MARCHF1: variants seen among roughly 807,000 people sequenced by gnomAD.
The protein encoded by MARCHF1 is E3 ubiquitin-protein ligase MARCHF1.
In MARCHF1, 40 loss-of-function variants were observed where a neutral mutation model predicts 54.2. The ratio of observed to expected loss-of-function variants is 0.74; its 90% CI spans 0.57 to 0.96. The LOEUF (loss-of-function observed/expected upper bound fraction) is 0.96. Ranked by LOEUF, MARCHF1 falls within the 40% of genes least tolerant of loss-of-function variation. The pLI is 0.00. For synonymous variants in MARCHF1, 236 were observed against 236.3 expected (o/e 1.00, Z 0.01); for missense variants, 586 against 656.5 (o/e 0.89, Z 1.17).
chr4:164,324,693 A>T (rs1357628970), intron 1 of MARCHF1, among the ~76,000 whole-genome samples: 1 of 151,408 alleles, frequency 6.6e-6, no homozygotes, highest in Non-Finnish European at 1.5e-5. Flanking sequence ...AAGTAATTTG[A>T]AAAGAAAATA....
intron 5 of MARCHF1, among the ~76,000 whole-genome samples, chr4:163,671,390 G>A (rs1463406707): frequency 6.6e-6 from 1 of 152,176 alleles, no homozygotes; most frequent in African/African-American, 2.4e-5. Context: ...CCAAAATTTT[G>A]CTTTAGTAGA....
rs183914007 is a variant in MARCHF1, at chr4:163,677,053, A to T, written c.162+23760T>A. Among the ~76,000 whole-genome samples, 16 of 152,328 alleles carry T rather than the reference A, an allele frequency of 1.1e-4. No homozygotes were observed. The East Asian group carries it at 1.9e-3, about 18-fold the overall frequency. Reference sequence around the variant, plus strand: ...TAGAAAAAGAAGGCATGACATAAGAATTTATGTGCCTATAATACAAGCTCA... The same window carrying T: ...TAGAAAAAGAAGGCATGACATAAGATTTTATGTGCCTATAATACAAGCTCA... On this transcript the variant is annotated intron_variant, in intron 5 of 9. Transcript: ENST00000514618.
intron 1 of MARCHF1, among the ~76,000 whole-genome samples, chr4:164,123,750 A>G (rs1469394689): frequency 6.6e-6 from 1 of 152,202 alleles, no homozygotes; most frequent in African/African-American, 2.4e-5. Flanking sequence ...ATTCATATGC[A>G]GAAGAAGAAA....
intron 9 of MARCHF1, chr4:163,530,635 T>C (rs1412552133): frequency 6.6e-6 from 1 of 152,024 alleles, no homozygotes; most frequent in Non-Finnish European, 1.5e-5. Flanking sequence ...GTTTCATTAA[T>C]TTGTTGCTCT....
At chr4:163,817,459 G>A (rs1464049835) in intron 4 of MARCHF1, among the ~76,000 whole-genome samples, 4 of 58,608 alleles carry the variant, frequency 6.8e-5, no homozygotes, top group Non-Finnish European at 9.4e-5. Context: ...GTGGTTAGGA[G>A]AGCAACACAC....
chr4:164,099,957 T>C (rs1755503357), intron 2 of MARCHF1, among the ~76,000 whole-genome samples: 2 of 152,158 alleles, frequency 1.3e-5, no homozygotes, highest in Admixed American at 6.5e-5. Context: ...CAGCCACAGC[T>C]CATGAGAAGG....
intron 2 of MARCHF1, among the ~76,000 whole-genome samples, chr4:164,010,062 C>T (rs868627210): frequency 2.6e-4 from 26 of 98,552 alleles, no homozygotes; most frequent in East Asian, 6.1e-4. Context: ...TCAAAAAACT[C>T]TTTTTTTTTT....
At chr4:163,626,689 G>T (rs947309034) in intron 5 of MARCHF1, among the ~76,000 whole-genome samples, 2 of 152,158 alleles carry the variant, frequency 1.3e-5, no homozygotes, top group African/African-American at 4.8e-5. Flanking sequence ...AGCATTTTGG[G>T]AGGCCGAGGC....
chr4:163,676,376 A>G (rs1743921755), intron 5 of MARCHF1, among the ~76,000 whole-genome samples: 1 of 150,922 alleles, frequency 6.6e-6, no homozygotes, highest in African/African-American at 2.5e-5. Flanking sequence ...AAAAAAAATC[A>G]GAAGATTAAG....
intron 1 of MARCHF1, among the ~76,000 whole-genome samples, chr4:164,372,000 T>G (rs902514062): frequency 6.6e-6 from 1 of 152,224 alleles, no homozygotes; most frequent in Admixed American, 6.5e-5. Flanking sequence ...GAGGATCACT[T>G]GAGCCAGGAG....
intron 7 of MARCHF1, among the ~76,000 whole-genome samples, chr4:163,609,653 C>A (rs1378308204): frequency 6.7e-6 from 1 of 150,234 alleles, no homozygotes; most frequent in Non-Finnish European, 1.5e-5. Flanking sequence ...ATATATAATA[C>A]ACGTATATAT....
At chr4:163,602,915 T>G (rs1301390960) in intron 7 of MARCHF1, among the ~76,000 whole-genome samples, 1 of 151,952 alleles carries the variant, frequency 6.6e-6, no homozygotes, top group Admixed American at 6.6e-5. Flanking sequence ...AAAATATGAG[T>G]CTGACTGATT....
rs1038703841 is a variant in MARCHF1, at chr4:163,742,379, G to A, written c.112-41516C>T. On this transcript the variant is annotated intron_variant, in intron 4 of 9. Transcript: ENST00000514618. Reference sequence around the variant, plus strand: ...CCCTCCCTCCCTCTCTCCCTCCCTCGCTACCTCCTTCCTTCCTCCCTTCCT... The same window carrying A: ...CCCTCCCTCCCTCTCTCCCTCCCTCACTACCTCCTTCCTTCCTCCCTTCCT... 9.7e-4 allele frequency among the ~76,000 whole-genome samples: 73 copies of A among 74,968 alleles called. 1 individual carries two copies. The East Asian group carries it at 0.021, about 21-fold the overall frequency. The allele number at this position is 74,968 out of a possible 152,430, so 49.2% of individuals were successfully genotyped here.
rs958293909 is a variant in MARCHF1 at position 163,755,821 on chromosome 4, C to T, written c.112-54958G>A. 2.0e-5 allele frequency among the ~76,000 whole-genome samples: 3 copies of T among 152,030 alleles called. No homozygotes were observed. The East Asian group carries it at 5.8e-4, about 29-fold the overall frequency. On this transcript the variant is annotated intron_variant, in intron 4 of 9. Coordinates refer to ENST00000514618, the MANE Select transcript of MARCHF1 (RefSeq NM_001394959.1). ...AACACTGGTGCTAAATGAGAGATCC[C>T]CTGGAACATATAGACAACTATGTAA... is the stretch of plus-strand genomic sequence containing the variant.
intron 3 of MARCHF1, among the ~76,000 whole-genome samples, chr4:163,859,286 T>A (rs1175010192): frequency 6.6e-6 from 1 of 151,922 alleles, no homozygotes; most frequent in Non-Finnish European, 1.5e-5. Context: ...GGTGGCATGA[T>A]GGTGAATGAA....
rs114318724 is a variant in MARCHF1 at position 164,096,246 on chromosome 4, C to T, written c.-248+15342G>A. Among the ~76,000 whole-genome samples the T allele has an allele frequency of 7.4e-3, 1,130 of 152,166 alleles. 23 individuals carry two copies. Among genetic ancestry groups the T allele is most frequent in the African/African-American group, 0.025 (1,046 of 41,538 alleles). ...GAATACTATGCAGCCATAAAAAGAA[C>T]AAAATCATATCCTTTGCAGCAATAT... On this transcript the variant is annotated intron_variant, in intron 2 of 9. Transcript: ENST00000514618.
chr4:164,107,785 CTATT>C (rs1052988942), intron 2 of MARCHF1, among the ~76,000 whole-genome samples: 2 of 150,664 alleles, frequency 1.3e-5, no homozygotes, highest in African/African-American at 4.9e-5. Flanking sequence ...TACAAATGAA[CTATT>C]TATTTTACTA....
intron 1 of MARCHF1, among the ~76,000 whole-genome samples, chr4:164,342,163 C>T (rs1729949003): frequency 6.6e-6 from 1 of 152,014 alleles, no homozygotes; most frequent in Non-Finnish European, 1.5e-5. Context: ...TAAACATTTT[C>T]CCAAAGAAGA....
rs139305179 is a variant in MARCHF1, at chr4:163,754,709, T to G, written c.112-53846A>C. 4.8e-4 allele frequency among the ~76,000 whole-genome samples: 71 copies of G among 147,096 alleles called. 1 individual carries two copies. In the East Asian group the frequency reaches 0.013, roughly 28 times the overall value. On this transcript the variant is annotated intron_variant, in intron 4 of 9. Transcript: ENST00000514618. ...CACAATTAAAATTTTATTGATTTGA[T>G]TTAAACCTGTTAAAGACTCTTTTTT...
Sources: gnomAD v4.1 joint callset for allele counts (sites outside exome capture counted in the v4.1 genomes callset) on GRCh38, gnomAD v4.1.1 for gene constraint, MANE v1.5 for transcripts, NCBI Gene and HGNC (gene_info 2026-07-23, HGNC 2026-07-21) for gene names.